Variants in ADAMTS17 observed in about 807,000 individuals in gnomAD.
The protein encoded by ADAMTS17 is ADAM metallopeptidase with thrombospondin type 1 motif 17, also known as A disintegrin and metalloproteinase with thrombospondin motifs 17.
In ADAMTS17, 113 loss-of-function variants were observed where a neutral mutation model predicts 141.5. The ratio of observed to expected loss-of-function variants is 0.80; its 90% CI spans 0.69 to 0.93. The LOEUF (loss-of-function observed/expected upper bound fraction) is 0.93, where lower values mean the gene tolerates loss of function less well. Ranked by LOEUF, ADAMTS17 falls within the 40% of genes least tolerant of loss-of-function variation. ADAMTS17 has a pLI of 0.00. For missense variants in ADAMTS17, 1,659 were observed against 1,517.9 expected (o/e 1.09, Z -1.54); for synonymous variants, 768 against 630.6 (o/e 1.22, Z -3.27).
rs1475255714 is a variant in ADAMTS17 at position 100,070,668 on chromosome 15, G to A, written c.2138-16614C>T. On this transcript the variant is annotated intron_variant, in intron 15 of 21. Coordinates refer to ENST00000268070, the MANE Select transcript of ADAMTS17 (RefSeq NM_139057.4). The stretch of plus-strand genomic sequence containing the variant: ...CTGGGTACATAACGAAATGAAGGCA[G>A]AAATAAAGATGTTCTTTGACACCAA... Among the ~76,000 whole-genome samples the A allele has an allele frequency of 2.0e-5, 3 of 150,118 alleles. No individual in the cohort carries two copies. In the East Asian group the frequency reaches 5.8e-4, roughly 29 times the overall value.
At chr15:100,195,671 G>T (rs980390783) in intron 8 of ADAMTS17, among the ~76,000 whole-genome samples, 1 of 134,462 alleles carries the variant, frequency 7.4e-6, no homozygotes, top group African/African-American at 2.8e-5. Context: ...AAAAAAATCT[G>T]TCAATCTCAC....
chr15:100,096,035 T>G (rs1274296598), intron 15 of ADAMTS17, among the ~76,000 whole-genome samples: 2 of 152,230 alleles, frequency 1.3e-5, no homozygotes, highest in African/African-American at 4.8e-5. Context: ...CTCTCCCACC[T>G]TCTCTGCCTG....
chr15:100,159,575 G>A (rs867345091), intron 8 of ADAMTS17, among the ~76,000 whole-genome samples: 23 of 152,204 alleles, frequency 1.5e-4, no homozygotes, highest in African/African-American at 4.3e-4. Context: ...AATGAACTCC[G>A]CCAAATGTAC....
chr15:100,169,360 G>A (rs1396936974), intron 8 of ADAMTS17, among the ~76,000 whole-genome samples: 1 of 152,176 alleles, frequency 6.6e-6, no homozygotes, highest in East Asian at 1.9e-4. Flanking sequence ...GAACAATATT[G>A]ACAGAGCAGA....
At position 100,262,491 on chromosome 15, in the gene ADAMTS17, A is replaced by G. The variant is rs1281044176; in HGVS notation, c.790-56T>C. 17 of 1,379,128 alleles carry G rather than the reference A, an allele frequency of 1.2e-5. No homozygotes were observed. In the East Asian group the frequency reaches 3.3e-4, roughly 26 times the overall value. 85.4% of individuals were successfully genotyped at this position (1,379,128 alleles called of 1,614,324 possible). A position where few individuals can be genotyped will look rare whatever the true frequency, so the allele number is the denominator to read the frequency against. On this transcript the variant is annotated intron_variant, in intron 4 of 21. Transcript: ENST00000268070. ...TAAAGATAAAAAATTTTAAAAATAC[A>G]GTAGTATCCTAGATGGGAACTTGGG...
At chr15:100,124,247 T>C (rs186257242) in intron 12 of ADAMTS17, among the ~76,000 whole-genome samples, 1 of 152,342 alleles carries the variant, frequency 6.6e-6, no homozygotes, top group African/African-American at 2.4e-5. Context: ...ATTATAGGCA[T>C]GAGCCACTCT....
At chr15:100,146,104 T>G (rs1277240162) in intron 10 of ADAMTS17, among the ~76,000 whole-genome samples, 1 of 152,120 alleles carries the variant, frequency 6.6e-6, no homozygotes, top group Non-Finnish European at 1.5e-5. Flanking sequence ...ACCTGGGAGG[T>G]GGAGGTTGCA....
At chr15:100,138,890 T>A (rs2038475102) in intron 10 of ADAMTS17, among the ~76,000 whole-genome samples, 1 of 152,174 alleles carries the variant, frequency 6.6e-6, no homozygotes, top group Non-Finnish European at 1.5e-5. Context: ...ACTTGCCTTT[T>A]AAAAAAATTT....
At chr15:100,044,817 T>G (rs1209296383) in intron 18 of ADAMTS17, among the ~76,000 whole-genome samples, 1 of 131,996 alleles carries the variant, frequency 7.6e-6, no homozygotes, top group African/African-American at 4.2e-5. Flanking sequence ...ATTTTTTTTT[T>G]TTTTTTTTGA....
In ADAMTS17 at chr15:99,977,387, TATATATATATATA is replaced by T. The variant is rs2060378272; in HGVS notation, c.2950-1178_2950-1166del. ...ATATATATATATATATATATATATA[TATATATATATATA>T]ATTTTTTTTTTTTTTTTTTTTTTTT... On this transcript the variant is annotated intron_variant, in intron 20 of 21. Coordinates refer to ENST00000268070, the MANE Select transcript of ADAMTS17 (RefSeq NM_139057.4). Among the ~76,000 whole-genome samples, 7 of 14,466 alleles carry T rather than the reference TATATATATATATA, an allele frequency of 4.8e-4. 2 individuals are homozygous for T. The highest frequency in any genetic ancestry group is 1.2e-3 in the Admixed American group (2 of 1,626). 9.5% of individuals were successfully genotyped at this position (14,466 alleles called of 152,430 possible). A position where few individuals can be genotyped will look rare whatever the true frequency, so the allele number is the denominator to read the frequency against.
intron 15 of ADAMTS17, among the ~76,000 whole-genome samples, chr15:100,090,762 C>T (rs2035406998): frequency 6.6e-6 from 1 of 152,208 alleles, no homozygotes; most frequent in African/African-American, 2.4e-5. Flanking sequence ...AATTCCAGCA[C>T]TTTGGGAGGC....
At chr15:100,169,751 C>T (rs1336183462) in intron 8 of ADAMTS17, among the ~76,000 whole-genome samples, 2 of 152,204 alleles carry the variant, frequency 1.3e-5, no homozygotes, top group Admixed American at 6.5e-5. Flanking sequence ...AGGAAAATCC[C>T]TCTTGGGGTT....
chr15:100,186,130 A>G (rs757819439), intron 8 of ADAMTS17, among the ~76,000 whole-genome samples: 4 of 152,196 alleles, frequency 2.6e-5, no homozygotes, highest in African/African-American at 4.8e-5. Context: ...AGTAACATCA[A>G]TGAAGTATGT....
chr15:100,068,121 G>A (rs1404792106), intron 15 of ADAMTS17, among the ~76,000 whole-genome samples: 2 of 152,120 alleles, frequency 1.3e-5, no homozygotes, highest in African/African-American at 4.8e-5. Flanking sequence ...CGCATGTCTC[G>A]GAGGGTCCTA....
chr15:100,196,914 G>T (rs138230183), intron 8 of ADAMTS17, among the ~76,000 whole-genome samples: 1 of 152,198 alleles, frequency 6.6e-6, no homozygotes. Flanking sequence ...ACCCAAAGAG[G>T]GGGAGGGCCA....
At chr15:100,137,049 G>C (rs553537296) in intron 10 of ADAMTS17, among the ~76,000 whole-genome samples, 133 of 152,304 alleles carry the variant, frequency 8.7e-4, no homozygotes, top group Middle Eastern at 6.8e-3. Flanking sequence ...AAGTACTTAG[G>C]CAATGGAAAA....
intron 20 of ADAMTS17, among the ~76,000 whole-genome samples, chr15:99,982,116 T>C (rs923284422): frequency 6.6e-6 from 1 of 152,258 alleles, no homozygotes; most frequent in African/African-American, 2.4e-5. Flanking sequence ...AATTGTTTCC[T>C]GCAGTAGAGG....
chr15:100,318,595 A>G (rs567098347), intron 3 of ADAMTS17, among the ~76,000 whole-genome samples: 1 of 152,348 alleles, frequency 6.6e-6, no homozygotes, highest in South Asian at 2.1e-4. Flanking sequence ...ACTGTAAGAA[A>G]TAAATTTCTG....
chr15:100,340,095 C>T (rs539680482), intron 2 of ADAMTS17, among the ~76,000 whole-genome samples: 1 of 152,246 alleles, frequency 6.6e-6, no homozygotes, highest in Non-Finnish European at 1.5e-5. Context: ...AGACAGAGAA[C>T]CCCTGCGGTT....
Sources: allele counts gnomAD v4.1 joint callset (sites outside exome capture counted in the v4.1 genomes callset), GRCh38; gene constraint gnomAD v4.1.1; transcripts MANE v1.5; gene names NCBI Gene and HGNC (gene_info 2026-07-23, HGNC 2026-07-21).